The following NIPAL1 variants were observed in gnomAD, a reference collection of about 807,000 sequenced individuals.
The protein encoded by NIPAL1 is magnesium transporter NIPA3.
NIPAL1 carries 35 observed loss-of-function variants against 37.7 expected under a neutral mutation model. The observed-to-expected ratio is 0.93, with a 90% confidence interval of 0.71 to 1.23. The LOEUF (loss-of-function observed/expected upper bound fraction) is 1.23. Ranked by LOEUF, NIPAL1 falls within the 50% of genes most tolerant of loss-of-function variation. NIPAL1 has a pLI of 0.00. For synonymous variants in NIPAL1, 162 were observed against 183.0 expected (o/e 0.89, Z 0.93); for missense variants, 412 against 473.9 (o/e 0.87, Z 1.21).
intron 2 of NIPAL1, among the ~76,000 whole-genome samples, chr4:48,029,707 A>G (rs1293373226): frequency 6.6e-6 from 1 of 152,236 alleles, no homozygotes. Context: ...AAAAAAATTG[A>G]CATAACTTTT....
At chr4:48,017,549 GT>G (rs1016481396) in intron 1 of NIPAL1, among the ~76,000 whole-genome samples, 2 of 152,228 alleles carry the variant, frequency 1.3e-5, no homozygotes, top group Non-Finnish European at 2.9e-5. Context: ...GGGAGCACTC[GT>G]TTGCAGGCTC....
At chr4:48,026,507 CAG>C (rs1715689739) in intron 2 of NIPAL1, among the ~76,000 whole-genome samples, 1 of 152,036 alleles carries the variant, frequency 6.6e-6, no homozygotes, top group East Asian at 1.9e-4. Context: ...AAAATCATAA[CAG>C]ATAATTTAAA....
chr4:48,030,096 T>G, intron 2 of NIPAL1, 24 bp from the exon 3 acceptor site: 1 of 1,511,670 alleles, frequency 6.6e-7, no homozygotes, highest in Non-Finnish European at 9.2e-7. Context: ...CATTTTTTGT[T>G]AATTTTTACT....
At chr4:48,025,637 A>T (rs1715669525) in intron 2 of NIPAL1, among the ~76,000 whole-genome samples, 1 of 152,194 alleles carries the variant, frequency 6.6e-6, no homozygotes. Context: ...ACTGCTAGGG[A>T]AGGTTCCTGT....
Position 48,038,325 on chromosome 4 carries a change from A to G in NIPAL1, c.*2153A>G, listed in dbSNP as rs138583461. 9.2e-5 allele frequency: 14 copies of G among 152,344 alleles called. No homozygotes were observed. The East Asian group carries it at 2.7e-3, about 29-fold the overall frequency. 9.4% of individuals were successfully genotyped at this position (152,344 alleles called of 1,614,324 possible). Reference sequence around the variant, plus strand: ...GTTTCACTTTACTTGTATATCAGATATATAAGCTATGAACACAAGTTTGTA... The same window carrying G: ...GTTTCACTTTACTTGTATATCAGATGTATAAGCTATGAACACAAGTTTGTA... On this transcript the variant is annotated 3_prime_UTR_variant, in exon 6 of 6. Transcript: ENST00000295461.
chr4:48,026,303 A>G (rs1715685384), intron 2 of NIPAL1, among the ~76,000 whole-genome samples: 1 of 152,226 alleles, frequency 6.6e-6, no homozygotes, highest in Admixed American at 6.5e-5. Context: ...TTCATTAACC[A>G]TGAGTTTTCT....
Position 48,036,057 on chromosome 4 carries a change from A to G in NIPAL1, c.1118A>G (p.Lys373Arg). The change falls in exon 6 of 6, where the codon AAA (lysine) becomes AGA (arginine). Residue 373 changes from lysine (K) to arginine (R), a missense_variant. Coordinates refer to ENST00000295461, the MANE Select transcript of NIPAL1 (RefSeq NM_207330.3). ...AGTGAGCTTACATCCACTGCTAAGAAAGAAGCCGTCTCTCTGAATGTCAAT... is the reference window on the plus strand; with the variant it reads ...AGTGAGCTTACATCCACTGCTAAGAGAGAAGCCGTCTCTCTGAATGTCAAT... The part of the protein sequence containing the change: ...TWSELTSTAK[K>R]EAVSLNVNEN... 6.2e-7 allele frequency: 1 copy of G among 1,610,618 alleles called. No individual in the cohort carries two copies. Among genetic ancestry groups the G allele is most frequent in the Middle Eastern group, 1.7e-4 (1 of 6,046 alleles).
At chr4:48,024,039 G>T (rs1043246753) in intron 1 of NIPAL1, among the ~76,000 whole-genome samples, 1 of 145,964 alleles carries the variant, frequency 6.9e-6, no homozygotes, top group Non-Finnish European at 1.5e-5. Context: ...GCAGTGGCGC[G>T]ATCTCAGCTC....
chr4:48,017,429 C>T (rs1169171730), intron 1 of NIPAL1, among the ~76,000 whole-genome samples: 11 of 152,360 alleles, frequency 7.2e-5, no homozygotes, highest in Admixed American at 2.0e-4. Flanking sequence ...CACGTCTCTC[C>T]TCTTCCTTGG....
chr4:48,032,500 G>C (rs1385683798), intron 3 of NIPAL1, among the ~76,000 whole-genome samples: 1 of 152,178 alleles, frequency 6.6e-6, no homozygotes, highest in Non-Finnish European at 1.5e-5. Context: ...ACTTACAATA[G>C]AGGGATATCT....
At chr4:48,031,168 G>A (rs1379601359) in intron 3 of NIPAL1, among the ~76,000 whole-genome samples, 2 of 151,948 alleles carry the variant, frequency 1.3e-5, no homozygotes, top group Admixed American at 6.6e-5. Context: ...AGTTTCAAGC[G>A]ATTCTCCTGC....
intron 1 of NIPAL1, among the ~76,000 whole-genome samples, chr4:48,019,685 A>G (rs1715528703): frequency 6.6e-6 from 1 of 152,246 alleles, no homozygotes; most frequent in African/African-American, 2.4e-5. Flanking sequence ...AGCTGGAGAC[A>G]GGATTCCACA....
rs779125775 is a variant in NIPAL1 at position 48,025,294 on chromosome 4, G to A, written c.273G>A (p.Lys91=). The A allele has an allele frequency of 8.7e-6, 14 of 1,614,038 alleles. No individual in the cohort carries two copies. The highest frequency in any genetic ancestry group is 1.3e-5 in the African/African-American group (1 of 74,926). The change falls in exon 2 of 6, where the codon AAG becomes AAA. Residue 91 remains lysine, a synonymous_variant. Transcript: ENST00000295461. ...FIGSSFILKK[K]GLLQLASKGF... ...GCTCCAGCTTCATACTGAAAAAGAA[G>A]GGCCTCTTGCAACTGGCCAGCAAGG... is the stretch of plus-strand genomic sequence containing the variant.
intron 2 of NIPAL1, among the ~76,000 whole-genome samples, 170 bp downstream of exon 2, chr4:48,025,504 C>T (rs941838669): frequency 6.6e-6 from 1 of 151,992 alleles, no homozygotes; most frequent in Non-Finnish European, 1.5e-5. Flanking sequence ...GAATAGAAAA[C>T]TCATGGTTAA....
chr4:48,017,863 C>CAT (rs5858100), intron 1 of NIPAL1, among the ~76,000 whole-genome samples: 151 of 151,034 alleles, frequency 1.0e-3, no homozygotes, highest in African/African-American at 2.3e-3. Flanking sequence ...TTCCCTTACA[C>CAT]ATATATATAT....
intron 3 of NIPAL1, among the ~76,000 whole-genome samples, chr4:48,030,619 T>C (rs1715800250): frequency 6.6e-6 from 1 of 152,236 alleles, no homozygotes; most frequent in Non-Finnish European, 1.5e-5. Flanking sequence ...TGCTTGGTAC[T>C]GAACAAATGG....
chr4:48,032,571 C>T (rs1412087175), intron 3 of NIPAL1, among the ~76,000 whole-genome samples: 1 of 152,164 alleles, frequency 6.6e-6, no homozygotes, highest in African/African-American at 2.4e-5. Flanking sequence ...CAGATTTAAC[C>T]ATTCTAATTT....
intron 1 of NIPAL1, among the ~76,000 whole-genome samples, chr4:48,022,031 GTC>G (rs1715583431): frequency 6.6e-6 from 1 of 152,152 alleles, no homozygotes; most frequent in Admixed American, 6.5e-5. Context: ...TATTGATAGT[GTC>G]TGTTAAAAAT....
In NIPAL1 at chr4:48,026,390, A is replaced by AT; in HGVS notation, c.313+1058dup. 3.3e-5 allele frequency among the ~76,000 whole-genome samples: 5 copies of AT among 152,312 alleles called. 1 individual carries two copies. The highest frequency in any genetic ancestry group is 1.2e-4 in the African/African-American group (5 of 41,568). Reference sequence around the variant, plus strand: ...TATGGAAAAAAATCAATGATTATAAATTACACAAGCAAGTTTATAAAAGAG... The same window carrying AT: ...TATGGAAAAAAATCAATGATTATAAATTTACACAAGCAAGTTTATAAAAGAG... On this transcript the variant is annotated intron_variant, in intron 2 of 5. Transcript: ENST00000295461.
Sources: gnomAD v4.1 joint callset for allele counts (sites outside exome capture counted in the v4.1 genomes callset) on GRCh38, gnomAD v4.1.1 for gene constraint, MANE v1.5 for transcripts, NCBI Gene and HGNC (gene_info 2026-07-23, HGNC 2026-07-21) for gene names.